Variants in TENM4 observed in about 807,000 individuals in gnomAD.
The protein encoded by TENM4 is teneurin transmembrane protein 4, also known as teneurin-4.
A neutral mutation model predicts 243.3 loss-of-function variants in TENM4; 82 were observed. That is an observed-to-expected ratio of 0.34 (90% confidence interval 0.28 to 0.40). The LOEUF (loss-of-function observed/expected upper bound fraction) is 0.40, where lower values mean the gene tolerates loss of function less well. Among genes scored for constraint, TENM4 ranks in the 10% least tolerant of loss-of-function variants. TENM4 has a pLI of 1.00. For synonymous variants in TENM4, 1,412 were observed against 1,456.3 expected, an observed-to-expected ratio of 0.97 and a Z score of 0.69; for missense variants, 3,138 against 3,673.3, an observed-to-expected ratio of 0.85 and a Z score of 3.77.
At position 79,284,390 on chromosome 11, in the gene TENM4, T is replaced by C. The variant is rs559102525; in HGVS notation, c.-265+13098A>G. Among the ~76,000 whole-genome samples the C allele has an allele frequency of 7.9e-5, 12 of 152,302 alleles. No homozygotes were observed. The East Asian group carries it at 2.3e-3, about 29-fold the overall frequency. ...ATCAATGGAATCAAATTTAGAGTCT[T>C]GAAATAAACCCTCACATTTATAGTC... On this transcript the variant is annotated intron_variant, in intron 2 of 33. Transcript: ENST00000278550.
At chr11:79,003,421 C>T (rs1279696994) in intron 6 of TENM4, among the ~76,000 whole-genome samples, 1 of 151,542 alleles carries the variant, frequency 6.6e-6, no homozygotes, top group African/African-American at 2.4e-5. Flanking sequence ...AGGTCTCCTA[C>T]AAAAATAACT....
intron 6 of TENM4, chr11:79,064,457 C>T: frequency 2.4e-6 from 1 of 421,086 alleles, no homozygotes; most frequent in South Asian, 2.5e-5. Flanking sequence ...CCCATGCCCT[C>T]TCTGCTCCCC....
rs142802900 is a variant in TENM4 at position 79,182,571 on chromosome 11, G to T, written c.-163+33237C>A. 3.3e-3 allele frequency among the ~76,000 whole-genome samples: 497 copies of T among 152,186 alleles called. 4 individuals are homozygous for T. The highest frequency in any genetic ancestry group is 5.1e-3 in the Non-Finnish European group (350 of 67,980). ...AATTCTTGAAAGAAATAATTGATAA[G>T]CTAGATATTAAAATTAAAAACTTAT... is the stretch of plus-strand genomic sequence containing the variant. On this transcript the variant is annotated intron_variant, in intron 3 of 33. Coordinates refer to ENST00000278550, the MANE Select transcript of TENM4 (RefSeq NM_001098816.3).
At chr11:79,392,018 A>G (rs886676501) in intron 1 of TENM4, among the ~76,000 whole-genome samples, 3 of 152,218 alleles carry the variant, frequency 2.0e-5, no homozygotes, top group Non-Finnish European at 4.4e-5. Flanking sequence ...TTCCTCTTTC[A>G]TGCAGTTGAT....
chr11:79,119,832 G>C (rs1189642516), intron 4 of TENM4, among the ~76,000 whole-genome samples: 1 of 152,120 alleles, frequency 6.6e-6, no homozygotes, highest in Non-Finnish European at 1.5e-5. Flanking sequence ...GGAGCAAAAG[G>C]CTCTGGTAAA....
chr11:79,303,175 C>G (rs1408876680), intron 1 of TENM4, among the ~76,000 whole-genome samples: 1 of 152,164 alleles, frequency 6.6e-6, no homozygotes, highest in South Asian at 2.1e-4. Flanking sequence ...ATTTAAGCAT[C>G]CCTCTATATA....
intron 1 of TENM4, among the ~76,000 whole-genome samples, chr11:79,386,357 A>C (rs2135533053): frequency 6.6e-6 from 1 of 152,360 alleles, no homozygotes; most frequent in African/African-American, 2.4e-5. Flanking sequence ...CAGCAGGCAA[A>C]GCTTTCTTAA....
At chr11:78,959,754 C>A (rs929027883) in intron 6 of TENM4, among the ~76,000 whole-genome samples, 1 of 152,188 alleles carries the variant, frequency 6.6e-6, no homozygotes, top group Non-Finnish European at 1.5e-5. Context: ...TAAAGTCCCC[C>A]ATCTCCTTCC....
intron 1 of TENM4, among the ~76,000 whole-genome samples, chr11:79,322,765 T>G (rs1856912516): frequency 6.6e-6 from 1 of 152,200 alleles, no homozygotes; most frequent in Admixed American, 6.5e-5. Context: ...GACAATGAAA[T>G]GTTATTGTTC....
At chr11:79,402,715 C>T (rs1204328427) in intron 1 of TENM4, among the ~76,000 whole-genome samples, 1 of 152,206 alleles carries the variant, frequency 6.6e-6, no homozygotes, top group Non-Finnish European at 1.5e-5. Flanking sequence ...TCTTCCCCAA[C>T]CTCTGGGCAG....
At chr11:78,734,174 AGAGT>A (rs1247953918) in intron 20 of TENM4, among the ~76,000 whole-genome samples, 4 of 150,172 alleles carry the variant, frequency 2.7e-5, no homozygotes, top group African/African-American at 7.4e-5. Context: ...CTTGGGTGAC[AGAGT>A]GAAACCTGTC....
At chr11:78,914,563 C>T (rs141697817) in intron 6 of TENM4, among the ~76,000 whole-genome samples, 22 of 152,322 alleles carry the variant, frequency 1.4e-4, no homozygotes, top group African/African-American at 4.8e-4. Flanking sequence ...GCCTGAATGT[C>T]AAGCCTCTAC....
chr11:78,762,085 G>T (rs34186800), intron 18 of TENM4, among the ~76,000 whole-genome samples: 3 of 152,158 alleles, frequency 2.0e-5, no homozygotes, highest in Non-Finnish European at 4.4e-5. Context: ...GTATGACCTA[G>T]TTGGCCATTT....
intron 1 of TENM4, among the ~76,000 whole-genome samples, chr11:79,321,979 G>C (rs1360330332): frequency 6.6e-6 from 1 of 152,152 alleles, no homozygotes; most frequent in East Asian, 1.9e-4. Flanking sequence ...ATTACATAGG[G>C]CCTGGAAATC....
intron 3 of TENM4, among the ~76,000 whole-genome samples, chr11:79,163,818 TAC>T (rs1565230480): frequency 6.8e-6 from 1 of 146,296 alleles, no homozygotes; most frequent in Non-Finnish European, 1.5e-5. Context: ...CACATATATA[TAC>T]ATGTATGTGT....
chr11:78,845,528 AC>A lies in TENM4; in HGVS notation c.1681+8575del, dbSNP rs755812651. ...CCCAACTGTACTCCTGCCTCCAACA[AC>A]CTCAACTATCGACCACCAGTGCCAA... On this transcript the variant is annotated intron_variant, in intron 12 of 33. Coordinates refer to ENST00000278550, the MANE Select transcript of TENM4 (RefSeq NM_001098816.3). Among the ~76,000 whole-genome samples, 36 of 152,154 alleles carry A rather than the reference AC, an allele frequency of 2.4e-4. 2 individuals carry two copies. In the Middle Eastern group the frequency reaches 0.024, roughly 101 times the overall value.
chr11:79,235,712 A>G (rs1241519686), intron 2 of TENM4, among the ~76,000 whole-genome samples: 1 of 152,128 alleles, frequency 6.6e-6, no homozygotes, highest in Non-Finnish European at 1.5e-5. Context: ...CAAGTGCATA[A>G]ATGTATTTTG....
At chr11:78,700,306 G>A (rs1859073204) in intron 28 of TENM4, among the ~76,000 whole-genome samples, 1 of 152,200 alleles carries the variant, frequency 6.6e-6, no homozygotes, top group Admixed American at 6.5e-5. Flanking sequence ...TGCGATCCCT[G>A]TTCTGCCATG....
At chr11:79,423,501 C>T (rs1053653747) in intron 1 of TENM4, among the ~76,000 whole-genome samples, 8 of 149,490 alleles carry the variant, frequency 5.4e-5, no homozygotes, top group African/African-American at 2.0e-4. Context: ...TAGCTCCTGT[C>T]TCGTTCAAGC....
Sources: gnomAD v4.1 joint callset for allele counts (sites outside exome capture counted in the v4.1 genomes callset) on GRCh38, gnomAD v4.1.1 for gene constraint, MANE v1.5 for transcripts, NCBI Gene and HGNC (gene_info 2026-07-23, HGNC 2026-07-21) for gene names.